FAM110C: variants seen among roughly 807,000 people sequenced by gnomAD.
FAM110C encodes the protein family with sequence similarity 110 member C, also known as protein FAM110C.
In FAM110C, 19 loss-of-function variants were observed where a neutral mutation model predicts 15.7. The ratio of observed to expected loss-of-function variants is 1.21; its 90% CI spans 0.85 to 1.78. The LOEUF is 1.78. Among genes scored for constraint, FAM110C ranks in the 40% most tolerant of loss-of-function variants. The pLI, the probability that FAM110C is intolerant of heterozygous loss-of-function variation, is 0.00. For missense variants in FAM110C, 547 were observed against 495.7 expected (o/e 1.10, Z -0.98); for synonymous variants, 275 against 233.9 (o/e 1.18, Z -1.61).
chr2:43,205 T>G, intron 1 of FAM110C: 1 of 985,460 alleles, frequency 1.0e-6, no homozygotes, highest in Non-Finnish European at 1.2e-6. Flanking sequence ...GTTTTGGGTC[T>G]AGGGAAGTAC....
In FAM110C at chr2:39,819, G is replaced by A. The variant is rs1464509664; in HGVS notation, c.*1789C>T. The A allele has an allele frequency of 6.6e-6, 1 of 152,126 alleles. No homozygotes were observed. The highest frequency in any genetic ancestry group is 1.5e-5 in the Non-Finnish European group (1 of 68,030). 9.4% of individuals were successfully genotyped at this position (152,126 alleles called of 1,614,324 possible). A position where few individuals can be genotyped will look rare whatever the true frequency, so the allele number is the denominator to read the frequency against. On this transcript the variant is annotated 3_prime_UTR_variant, in exon 2 of 2. Coordinates refer to ENST00000327669, the MANE Select transcript of FAM110C (RefSeq NM_001077710.3). ...AAGCTTTCATATCTAAAATTGATGG[G>A]ACATCTGAAAATAAGGGAATTGGGT...
intron 1 of FAM110C, 23 bp from the exon 2 acceptor site, chr2:41,650 G>A: frequency 6.2e-7 from 1 of 1,613,178 alleles, no homozygotes; most frequent in Non-Finnish European, 8.5e-7. Flanking sequence ...AGAAAAAATA[G>A]TGAATCAACT....
In FAM110C at chr2:45,748, G is replaced by T; in HGVS notation, c.638C>A (p.Ala213Asp). 6.3e-7 allele frequency: 1 copy of T among 1,590,972 alleles called. No individual in the cohort carries two copies. Among genetic ancestry groups the T allele is most frequent in the Non-Finnish European group, 8.5e-7 (1 of 1,170,692 alleles). The change falls in exon 1 of 2, where the codon GCC (alanine) becomes GAC (aspartate). Residue 213 changes from alanine (A) to aspartate (D), a missense_variant. Physicochemically the swap from Ala to Asp is moderately radical, Grantham distance 126. Coordinates refer to ENST00000327669, the MANE Select transcript of FAM110C (RefSeq NM_001077710.3). Reference protein sequence around the residue: ...DLSSRYSAALAESDTFFQYCG... With the variant: ...DLSSRYSAALDESDTFFQYCG... The stretch of plus-strand genomic sequence containing the variant: ...GTACTGGAAGAAGGTGTCAGACTCG[G>T]CCAAGGCAGCGGAATAGCGGGAGCT...
At position 40,530 on chromosome 2, in the gene FAM110C, G is replaced by T. The variant is rs1664096135; in HGVS notation, c.*1078C>A. 6.6e-6 allele frequency: 1 copy of T among 152,196 alleles called. No individual in the cohort carries two copies. The highest frequency in any genetic ancestry group is 1.5e-5 in the Non-Finnish European group (1 of 68,040). 9.4% of individuals were successfully genotyped at this position (152,196 alleles called of 1,614,324 possible). ...ACTCTGGGTGTCATAAGCAAGTTCA[G>T]AATTAGGGACCCAGTAACCCCCATG... On this transcript the variant is annotated 3_prime_UTR_variant, in exon 2 of 2. Coordinates refer to ENST00000327669, the MANE Select transcript of FAM110C (RefSeq NM_001077710.3).
rs764985088 is a variant in FAM110C, at chr2:45,567, C to T, written c.819G>A (p.Glu273=). 2 of 1,613,726 alleles carry T rather than the reference C, an allele frequency of 1.2e-6. No homozygotes were observed. The highest frequency in any genetic ancestry group is 4.5e-5 in the East Asian group (2 of 44,868). Residue 273 remains glutamate (E), a synonymous_variant, in exon 1 of 2, where the codon GAG becomes GAA. Transcript: ENST00000327669. ...HSGGDDEGLQ[E]EELIEQVPST... ...TGGGCACCTGCTCTATCAGCTCCTC[C>T]TCCTGCAGCCCCTCGTCGTCGCCGC...
In FAM110C at chr2:42,137, G is replaced by A. The variant is rs1477640767; in HGVS notation, c.947-510C>T. 3.3e-5 allele frequency: 33 copies of A among 985,256 alleles called. No homozygotes were observed. In the East Asian group the frequency reaches 3.4e-4, roughly 10 times the overall value. 61.0% of individuals were successfully genotyped at this position (985,256 alleles called of 1,614,324 possible). A position where few individuals can be genotyped will look rare whatever the true frequency, so the allele number is the denominator to read the frequency against. On this transcript the variant is annotated intron_variant, in intron 1 of 1. Coordinates refer to ENST00000327669, the MANE Select transcript of FAM110C (RefSeq NM_001077710.3). ...GTTTACCTAAAATGTGCTCCTAGTCGCATAGCTTCTCAGAATAGTCAAAGA... is the reference window on the plus strand; with the variant it reads ...GTTTACCTAAAATGTGCTCCTAGTCACATAGCTTCTCAGAATAGTCAAAGA...
In FAM110C at chr2:46,245, A is replaced by G. The variant is rs1231542278; in HGVS notation, c.141T>C (p.Tyr47=). The G allele has an allele frequency of 3.5e-6, 5 of 1,411,266 alleles. No individual in the cohort carries two copies. The highest frequency in any genetic ancestry group is 1.5e-5 in the African/African-American group (1 of 66,380). The allele number at this position is 1,411,266 out of a possible 1,614,324, so 87.4% of individuals were successfully genotyped here. A position where few individuals can be genotyped will look rare whatever the true frequency, so the allele number is the denominator to read the frequency against. The part of the protein sequence containing the change: ...VERLAADRAK[Y]VRGRPGTGRG... ...GGCCAGTCCCCGGCCGACCCCGCAC[A>G]TACTTGGCGCGATCCGCCGCCAGCC... The change falls in exon 1 of 2, where the codon TAT becomes TAC. Residue 47 remains tyrosine, a synonymous_variant. Transcript: ENST00000327669.
In FAM110C at chr2:44,361, T is replaced by G; in HGVS notation, c.946+1079A>C. On this transcript the variant is annotated intron_variant, in intron 1 of 1. Transcript: ENST00000327669. ...GCCAGAGAAATTATTGGAGATATTTTTAGCTGTCAAACATAGGTGAGCCCT... is the reference window on the plus strand; with the variant it reads ...GCCAGAGAAATTATTGGAGATATTTGTAGCTGTCAAACATAGGTGAGCCCT... The G allele has an allele frequency of 4.1e-6, 4 of 985,402 alleles. No homozygotes were observed. The South Asian group carries it at 1.9e-4, about 46-fold the overall frequency. The allele number at this position is 985,402 out of a possible 1,614,324, so 61.0% of individuals were successfully genotyped here.
intron 1 of FAM110C, chr2:42,861 T>C: frequency 1.0e-6 from 1 of 985,480 alleles, no homozygotes; most frequent in Non-Finnish European, 1.2e-6. Context: ...AAATGAATCC[T>C]TATAAATTTC....
At chr2:44,499 T>C in intron 1 of FAM110C, 2 of 985,390 alleles carry the variant, frequency 2.0e-6, no homozygotes, top group South Asian at 9.4e-5. Flanking sequence ...TAAAATTTAC[T>C]TATAGCAAGT....
chr2:44,831 A>G (rs1664231929), intron 1 of FAM110C: 1 of 985,304 alleles, frequency 1.0e-6, no homozygotes, highest in African/African-American at 1.7e-5. Context: ...TTTAAATAAA[A>G]TTTAGCCAAA....
At position 41,533 on chromosome 2, in the gene FAM110C, T is replaced by C. The variant is rs896904746; in HGVS notation, c.*75A>G. The C allele has an allele frequency of 9.7e-6, 15 of 1,541,040 alleles. No homozygotes were observed. The highest frequency in any genetic ancestry group is 1.8e-5 in the Admixed American group (1 of 54,204). On this transcript the variant is annotated 3_prime_UTR_variant, in exon 2 of 2. Coordinates refer to ENST00000327669, the MANE Select transcript of FAM110C (RefSeq NM_001077710.3). ...TGCATTCCTGGTAAAACAGCAATCATGTGGTCACCTAGGCACACTAGCCAA... is the reference window on the plus strand; with the variant it reads ...TGCATTCCTGGTAAAACAGCAATCACGTGGTCACCTAGGCACACTAGCCAA...
At position 41,470 on chromosome 2, in the gene FAM110C, T is replaced by A; in HGVS notation, c.*138A>T. On this transcript the variant is annotated 3_prime_UTR_variant, in exon 2 of 2. Transcript: ENST00000327669. The stretch of plus-strand genomic sequence containing the variant: ...TGTTCCCATATTCTCTGTAGTATTT[T>A]AAACCTTCTCAGAGCACTTGTTTTG... 1.0e-6 allele frequency: 1 copy of A among 957,182 alleles called. No homozygotes were observed. The highest frequency in any genetic ancestry group is 1.6e-6 in the Non-Finnish European group (1 of 639,620). 59.3% of individuals were successfully genotyped at this position (957,182 alleles called of 1,614,324 possible).
intron 1 of FAM110C, chr2:43,759 C>G: frequency 2.0e-6 from 2 of 985,390 alleles, no homozygotes; most frequent in Non-Finnish European, 2.4e-6. Context: ...CTACCTACTG[C>G]CTGCACATGC....
intron 1 of FAM110C, chr2:43,131 T>G (rs1462470341): frequency 2.0e-6 from 2 of 985,344 alleles, no homozygotes; most frequent in Non-Finnish European, 2.4e-6. Flanking sequence ...GTTCTCCTCA[T>G]ACACCCCACC....
At position 46,197 on chromosome 2, in the gene FAM110C, G is replaced by T; in HGVS notation, c.189C>A (p.Ser63Arg). The T allele has an allele frequency of 7.3e-7, 1 of 1,377,460 alleles. No individual in the cohort carries two copies. The highest frequency in any genetic ancestry group is 9.3e-7 in the Non-Finnish European group (1 of 1,072,694). The allele number at this position is 1,377,460 out of a possible 1,614,324, so 85.3% of individuals were successfully genotyped here. A position where few individuals can be genotyped will look rare whatever the true frequency, so the allele number is the denominator to read the frequency against. The change falls in exon 1 of 2, where the codon AGC becomes AGA. Residue 63 changes from serine to arginine, a missense_variant. By Grantham distance (110) the Ser-to-Arg change is moderately radical. Coordinates refer to ENST00000327669, the MANE Select transcript of FAM110C (RefSeq NM_001077710.3). Reference protein sequence around the residue: ...GTGRGVASEGSGPGAIKCPGN... With the variant: ...GTGRGVASEGRGPGAIKCPGN... ...CCGGGCACTTGATCGCCCCCGGGCC[G>T]CTGCCCTCGGAAGCGACGCCCCGGC...
intron 1 of FAM110C, chr2:42,935 A>G: frequency 1.0e-6 from 1 of 985,476 alleles, no homozygotes. Flanking sequence ...AACTGGTCTC[A>G]GAACAAGGGA....
rs376346156 is a variant in FAM110C at position 45,516 on chromosome 2, G to C, written c.870C>G (p.Asn290Lys). Residue 290 changes from asparagine to lysine, a missense_variant, in exon 1 of 2, where the codon AAC becomes AAG. Asn to Lys is a moderately conservative substitution (Grantham distance 94). Transcript: ENST00000327669. The part of the protein sequence containing the change: ...VPSTTSVIER[N>K]ARIIKWLYTC... ...TGTACAGCCACTTGATGATGCGGGC[G>C]TTCCTCTCGATGACCGAAGTGGTGC... 1.5e-5 allele frequency: 24 copies of C among 1,614,018 alleles called. No individual in the cohort carries two copies. In the African/African-American group the frequency reaches 2.8e-4, roughly 19 times the overall value.
chr2:43,965 A>G (rs1664203893), intron 1 of FAM110C: 4 of 985,430 alleles, frequency 4.1e-6, no homozygotes, highest in Non-Finnish European at 4.8e-6. Context: ...CCTGGTCTAT[A>G]GTGCAGGAAT....
Sources: gnomAD v4.1 joint callset for allele counts on GRCh38, gnomAD v4.1.1 for gene constraint, MANE v1.5 for transcripts, NCBI Gene and HGNC (gene_info 2026-07-23, HGNC 2026-07-21) for gene names.